Variants in XYLT1 observed in about 807,000 individuals in gnomAD.
The protein encoded by XYLT1 is beta-D-xylosyltransferase 1.
In XYLT1, 36 loss-of-function variants were observed where a neutral mutation model predicts 91.3. The observed-to-expected ratio is 0.39, with a 90% CI of 0.30 to 0.52. The LOEUF is 0.52. XYLT1 is among the 20% of genes least tolerant of loss of function. XYLT1 has a pLI of 0.68. For synonymous variants in XYLT1, 588 were observed against 532.0 expected (o/e 1.11, Z -1.45); for missense variants, 1,242 against 1,284.5 (o/e 0.97, Z 0.51).
At position 17,470,652 on chromosome 16, in the gene XYLT1, C is replaced by T; in HGVS notation, c.145G>A (p.Ala49Thr). 8.9e-7 allele frequency: 1 copy of T among 1,119,262 alleles called. No homozygotes were observed. The highest frequency in any genetic ancestry group is 1.1e-6 in the Non-Finnish European group (1 of 903,732). 69.3% of individuals were successfully genotyped at this position (1,119,262 alleles called of 1,614,324 possible). ...DSGAGERRGG[A>T]AVGGGEQPPP... Reference sequence around the variant, plus strand: ...GGCTGCTCCCCGCCGCCGACCGCTGCGCCCCCGCGGCGCTCCCCGGCCCCG... The same window carrying T: ...GGCTGCTCCCCGCCGCCGACCGCTGTGCCCCCGCGGCGCTCCCCGGCCCCG... Residue 49 changes from alanine to threonine, a missense_variant, in exon 1 of 12, where the codon GCA becomes ACA. This residue lies in a region of XYLT1 where 437 missense variants were observed against 411.5 expected (regional missense o/e 1.06). Transcript: ENST00000261381.
chr16:17,267,139 T>A (rs2033819155), intron 2 of XYLT1, among the ~76,000 whole-genome samples: 1 of 152,188 alleles, frequency 6.6e-6, no homozygotes, highest in Non-Finnish European at 1.5e-5. Context: ...CTGATAGGGC[T>A]GGGTTGGAAT....
intron 1 of XYLT1, among the ~76,000 whole-genome samples, chr16:17,462,186 TC>T (rs1010344693): frequency 5.9e-5 from 9 of 152,208 alleles, no homozygotes; most frequent in African/African-American, 1.9e-4. Context: ...GGATTAGATG[TC>T]CAGATAAGCA....
intron 10 of XYLT1, among the ~76,000 whole-genome samples, chr16:17,122,701 A>G (rs2030114411): frequency 6.6e-6 from 1 of 152,170 alleles, no homozygotes; most frequent in Non-Finnish European, 1.5e-5. Flanking sequence ...TATCTTCTAG[A>G]ATTTGTATGG....
intron 1 of XYLT1, among the ~76,000 whole-genome samples, chr16:17,359,351 C>G (rs2035349889): frequency 6.6e-6 from 1 of 152,164 alleles, no homozygotes; most frequent in Admixed American, 6.5e-5. Context: ...GAAGGAAATG[C>G]AGGGAAATTG....
chr16:17,195,804 T>C (rs1480058640), intron 5 of XYLT1, among the ~76,000 whole-genome samples: 3 of 152,186 alleles, frequency 2.0e-5, no homozygotes, highest in Non-Finnish European at 2.9e-5. Context: ...GGCATGATCA[T>C]CTAACTCCAT....
intron 2 of XYLT1, among the ~76,000 whole-genome samples, chr16:17,292,914 C>T (rs186484651): frequency 1.1e-4 from 17 of 152,244 alleles, no homozygotes; most frequent in Admixed American, 5.9e-4. Flanking sequence ...AAGGGGGCCA[C>T]AGTGGGCAGG....
At chr16:17,422,951 G>C (rs760898787) in intron 1 of XYLT1, among the ~76,000 whole-genome samples, 1 of 152,154 alleles carries the variant, frequency 6.6e-6, no homozygotes, top group East Asian at 1.9e-4. Context: ...GCCCTGCATC[G>C]GTGAGCTCTG....
At chr16:17,164,723 A>C (rs1161808318) in intron 5 of XYLT1, among the ~76,000 whole-genome samples, 1 of 152,194 alleles carries the variant, frequency 6.6e-6, no homozygotes, top group Non-Finnish European at 1.5e-5. Flanking sequence ...TTAAGGCTGA[A>C]TAATACTCTC....
rs188650766 is a variant in XYLT1 at position 17,436,744 on chromosome 16, T to C, written c.363+33690A>G. Among the ~76,000 whole-genome samples, 4 of 152,358 alleles carry C rather than the reference T, an allele frequency of 2.6e-5. No individual in the cohort carries two copies. In the East Asian group the frequency reaches 5.8e-4, roughly 22 times the overall value. Reference sequence around the variant, plus strand: ...AAATGAGATGCAGTGGAGAATTACATAACAGTTCAGAAACACAATTTACAT... The same window carrying C: ...AAATGAGATGCAGTGGAGAATTACACAACAGTTCAGAAACACAATTTACAT... On this transcript the variant is annotated intron_variant, in intron 1 of 11. Transcript: ENST00000261381.
intron 2 of XYLT1, among the ~76,000 whole-genome samples, chr16:17,329,289 C>T (rs965639233): frequency 5.9e-5 from 9 of 152,208 alleles, no homozygotes; most frequent in African/African-American, 2.2e-4. Context: ...GATCTGGATT[C>T]AAATTATTTC....
chr16:17,368,264 T>C (rs1187024134), intron 1 of XYLT1, among the ~76,000 whole-genome samples: 1 of 152,130 alleles, frequency 6.6e-6, no homozygotes, highest in Non-Finnish European at 1.5e-5. Flanking sequence ...GGCTGGAAGG[T>C]GGCCCTGCAG....
chr16:17,304,648 G>A (rs564015299), intron 2 of XYLT1, among the ~76,000 whole-genome samples: 16 of 152,046 alleles, frequency 1.1e-4, no homozygotes, highest in Non-Finnish European at 1.9e-4. Flanking sequence ...TAAATCCACA[G>A]TTAAGATTTT....
At chr16:17,433,406 A>G (rs972710853) in intron 1 of XYLT1, among the ~76,000 whole-genome samples, 1 of 152,224 alleles carries the variant, frequency 6.6e-6, no homozygotes, top group African/African-American at 2.4e-5. Flanking sequence ...TGGGAAAAAC[A>G]ATATTTCCAG....
chr16:17,266,878 C>T (rs1462756257), intron 2 of XYLT1, among the ~76,000 whole-genome samples: 1 of 152,208 alleles, frequency 6.6e-6, no homozygotes, highest in Non-Finnish European at 1.5e-5. Context: ...GGTGGAAGCA[C>T]AGTGTGTGTG....
chr16:17,315,271 C>G (rs2034610375), intron 2 of XYLT1, among the ~76,000 whole-genome samples: 2 of 152,190 alleles, frequency 1.3e-5, no homozygotes, highest in South Asian at 4.1e-4. Context: ...TCCAGCTACC[C>G]TGGTCTCCAT....
chr16:17,455,526 G>A (rs760522010), intron 1 of XYLT1, among the ~76,000 whole-genome samples: 8 of 151,980 alleles, frequency 5.3e-5, no homozygotes, highest in Non-Finnish European at 8.8e-5. Context: ...CTAGGTGGGC[G>A]AATCACTTGA....
At chr16:17,447,024 G>C (rs1038716043) in intron 1 of XYLT1, among the ~76,000 whole-genome samples, 1 of 146,500 alleles carries the variant, frequency 6.8e-6, no homozygotes, top group African/African-American at 2.6e-5. Context: ...CTCCTTCGGA[G>C]AGCCTCCACA....
At chr16:17,278,244 C>A (rs889786996) in intron 2 of XYLT1, among the ~76,000 whole-genome samples, 2 of 152,184 alleles carry the variant, frequency 1.3e-5, no homozygotes, top group Non-Finnish European at 2.9e-5. Flanking sequence ...AAACACCCAA[C>A]ACAAGGTGGT....
chr16:17,436,250 A>C (rs184871948), intron 1 of XYLT1, among the ~76,000 whole-genome samples: 2 of 152,316 alleles, frequency 1.3e-5, no homozygotes, highest in Non-Finnish European at 2.9e-5. Flanking sequence ...GTATGTCTTT[A>C]TTAGCAGTGT....
Sources: gnomAD v4.1 joint callset for allele counts (sites outside exome capture counted in the v4.1 genomes callset) on GRCh38, gnomAD v4.1.1 for gene constraint, gnomAD v4.1.1 regional missense constraint, MANE v1.5 for transcripts, NCBI Gene and HGNC (gene_info 2026-07-23, HGNC 2026-07-21) for gene names.